ATRX: variants seen among roughly 807,000 people sequenced by gnomAD.
ATRX encodes the protein chromatin remodeler ATRX.
Under a neutral mutation model 172.6 loss-of-function variants are expected in ATRX, and 12 were observed. The ratio of observed to expected loss-of-function variants is 0.07; its 90% confidence interval spans 0.04 to 0.11. ATRX has a LOEUF of 0.11. Among genes scored for constraint, ATRX ranks in the 10% least tolerant of loss-of-function variants. ATRX has a pLI of 1.00. For missense variants in ATRX, 1,368 were observed against 1,767.4 expected (o/e 0.77, Z 4.05); for synonymous variants, 674 against 594.7 (o/e 1.13, Z -1.94).
intron 1 of ATRX, among the ~76,000 whole-genome samples, chrX:77,721,201 C>G (rs989283210): frequency 9.9e-5 from 11 of 111,245 alleles, no homozygotes; most frequent in African/African-American, 3.3e-4. Flanking sequence ...CTATTTATGA[C>G]AAAACCACAG....
intron 30 of ATRX, among the ~76,000 whole-genome samples, chrX:77,540,067 A>AC (rs1400892853): frequency 1.8e-5 from 2 of 111,496 alleles, no homozygotes; most frequent in Non-Finnish European, 3.8e-5. Flanking sequence ...TATTCAAGAG[A>AC]CCCATCTCAC....
chrX:77,576,557 T>C (rs1368171543), intron 27 of ATRX, among the ~76,000 whole-genome samples: 2 of 111,289 alleles, frequency 1.8e-5, no homozygotes, highest in Non-Finnish European at 3.8e-5. Flanking sequence ...CTAGGGAAGT[T>C]ACAGATAAGG....
At chrX:77,708,222 C>T (rs1395649334) in intron 2 of ATRX, among the ~76,000 whole-genome samples, 2 of 112,099 alleles carry the variant, frequency 1.8e-5, no homozygotes, top group African/African-American at 3.2e-5. Context: ...ATATGGTATA[C>T]ACATATAATG....
rs1557041874 is a variant in ATRX at position 77,522,353 on chromosome X, G to A, written c.6885C>T (p.Thr2295=). 6 of 1,209,977 alleles carry A rather than the reference G, an allele frequency of 5.0e-6. No individual in the cohort carries two copies. The highest frequency in any genetic ancestry group is 4.5e-6 in the Non-Finnish European group (4 of 894,177). ...AGTTGAAACTGACAGGGGGTAAATTGGTCCCAGTTGGTATGTTGAAACGCA... is the reference window on the plus strand; with the variant it reads ...AGTTGAAACTGACAGGGGGTAAATTAGTCCCAGTTGGTATGTTGAAACGCA... ...LTMRFNIPTG[T]NLPPVSFNSQ... The change falls in exon 32 of 35, where the codon ACC becomes ACT. Residue 2295 remains threonine (T), a synonymous_variant. Coordinates refer to ENST00000373344, the MANE Select transcript of ATRX (RefSeq NM_000489.6).
chrX:77,735,283 G>A (rs2074491952), intron 1 of ATRX, among the ~76,000 whole-genome samples: 2 of 111,258 alleles, frequency 1.8e-5, no homozygotes, highest in African/African-American at 3.3e-5. Flanking sequence ...CCAACATGGT[G>A]AAATCCGGTC....
At chrX:77,538,611 A>G (rs930903269) in intron 30 of ATRX, among the ~76,000 whole-genome samples, 1 of 111,769 alleles carries the variant, frequency 8.9e-6, no homozygotes, top group Non-Finnish European at 1.9e-5. Context: ...TGTACTCCCT[A>G]AATCTATAAA....
intron 15 of ATRX, among the ~76,000 whole-genome samples, chrX:77,645,570 G>C (rs1287377516): frequency 9.0e-6 from 1 of 111,677 alleles, no homozygotes; most frequent in African/African-American, 3.3e-5. Flanking sequence ...GGAAGTCTTT[G>C]GGTTGAAATG....
chrX:77,735,353 T>C (rs1347495140), intron 1 of ATRX, among the ~76,000 whole-genome samples: 2 of 111,310 alleles, frequency 1.8e-5, no homozygotes, highest in Non-Finnish European at 3.8e-5. Context: ...TCCCAGCACT[T>C]TGGGAGGCCA....
intron 30 of ATRX, among the ~76,000 whole-genome samples, chrX:77,539,210 T>G (rs1359636290): frequency 1.8e-5 from 2 of 111,054 alleles, no homozygotes; most frequent in African/African-American, 6.5e-5. Context: ...TCCTTAATAG[T>G]TGGGCGATCC....
intron 12 of ATRX, among the ~76,000 whole-genome samples, chrX:77,658,076 T>G (rs1425201013): frequency 9.0e-6 from 1 of 110,686 alleles, no homozygotes; most frequent in African/African-American, 3.3e-5. Context: ...CCAGGCATGA[T>G]GGTACACACC....
At chrX:77,616,299 A>C (rs943615100) in intron 22 of ATRX, 4 of 900,925 alleles carry the variant, frequency 4.4e-6, no homozygotes, top group Non-Finnish European at 5.6e-6. Flanking sequence ...TTTTTAAAAA[A>C]ATACTCTGGA....
intron 27 of ATRX, among the ~76,000 whole-genome samples, chrX:77,579,273 C>T (rs2065741287): frequency 8.9e-6 from 1 of 112,332 alleles, no homozygotes; most frequent in East Asian, 2.8e-4. Flanking sequence ...GCTGAATGTA[C>T]AGCCCTTGGG....
At chrX:77,620,792 G>A in intron 19 of ATRX, among the ~76,000 whole-genome samples, 1 of 111,054 alleles carries the variant, frequency 9.0e-6, no homozygotes, top group South Asian at 3.8e-4. Flanking sequence ...ACAAAAATAA[G>A]CAAAAATAAA....
At chrX:77,554,011 A>G (rs1724692154) in intron 30 of ATRX, among the ~76,000 whole-genome samples, 1 of 112,009 alleles carries the variant, frequency 8.9e-6, no homozygotes, top group African/African-American at 3.2e-5. Context: ...ATTATTTAAG[A>G]TAAAATTTTT....
intron 30 of ATRX, among the ~76,000 whole-genome samples, chrX:77,541,274 G>A (rs1254976506): frequency 1.8e-5 from 2 of 112,219 alleles, no homozygotes; most frequent in Admixed American, 1.9e-4. Flanking sequence ...CCGGGAAGAA[G>A]TCGAATCTGT....
intron 1 of ATRX, among the ~76,000 whole-genome samples, chrX:77,783,528 T>A (rs1374115554): frequency 8.9e-6 from 1 of 112,243 alleles, no homozygotes; most frequent in Non-Finnish European, 1.9e-5. Flanking sequence ...TACTTTTTTT[T>A]ATAAACACAA....
intron 1 of ATRX, among the ~76,000 whole-genome samples, chrX:77,765,684 T>A (rs904396063): frequency 5.6e-4 from 62 of 110,985 alleles, no homozygotes; most frequent in African/African-American, 2.0e-3. Context: ...TTTTTTAATT[T>A]TTTTTATTTT....
intron 34 of ATRX, among the ~76,000 whole-genome samples, chrX:77,513,463 C>A (rs953234313): frequency 9.2e-6 from 1 of 108,898 alleles, no homozygotes; most frequent in Non-Finnish European, 1.9e-5. Context: ...TGAGAGTGGG[C>A]GGAGGGAAGA....
chrX:77,622,527 T>A (rs1372293180), intron 19 of ATRX, among the ~76,000 whole-genome samples: 4 of 111,133 alleles, frequency 3.6e-5, no homozygotes, highest in Admixed American at 9.6e-5. Context: ...CAGGGATCCA[T>A]CAGGAGGATG....
Sources: gnomAD v4.1 joint callset for allele counts (sites outside exome capture counted in the v4.1 genomes callset) on GRCh38, gnomAD v4.1.1 for gene constraint, MANE v1.5 for transcripts, NCBI Gene and HGNC (gene_info 2026-07-23, HGNC 2026-07-21) for gene names.